SDK1: variants seen among roughly 807,000 people sequenced by gnomAD.
SDK1 encodes protein sidekick-1.
SDK1 carries 157 observed loss-of-function variants against 245.5 expected under a neutral mutation model. That is an observed-to-expected ratio of 0.64 (90% CI 0.56 to 0.73). The LOEUF (loss-of-function observed/expected upper bound fraction) is 0.73, where lower values mean the gene tolerates loss of function less well. Among genes scored for constraint, SDK1 ranks in the 30% least tolerant of loss-of-function variants. The pLI is 0.00. For synonymous variants in SDK1, 1,647 were observed against 1,278.5 expected (o/e 1.29, Z -6.15); for missense variants, 3,583 against 3,002.3 (o/e 1.19, Z -4.52).
chr7:3,420,495 T>A (rs1042369239), intron 1 of SDK1, among the ~76,000 whole-genome samples: 1 of 152,218 alleles, frequency 6.6e-6, no homozygotes, highest in Non-Finnish European at 1.5e-5. Flanking sequence ...AATGAACTCC[T>A]CCTGCCCATT....
chr7:4,186,283 G>A (rs1222656845), intron 35 of SDK1, among the ~76,000 whole-genome samples: 2 of 152,132 alleles, frequency 1.3e-5, no homozygotes, highest in Admixed American at 1.3e-4. Context: ...GACAAGCATG[G>A]CCGCCAGCCC....
rs73043757 is a variant in SDK1 at position 3,675,902 on chromosome 7, A to G, written c.713+33797A>G. Among the ~76,000 whole-genome samples, 361 of 152,248 alleles carry G rather than the reference A, an allele frequency of 2.4e-3. 2 individuals carry two copies. The highest frequency in any genetic ancestry group is 0.017 in the South Asian group (82 of 4,820). On this transcript the variant is annotated intron_variant, in intron 4 of 44. Coordinates refer to ENST00000404826, the MANE Select transcript of SDK1 (RefSeq NM_152744.4). ...TTGTTTTTTGCTTGCTGATTTATCT[A>G]ACTTCCTTTTATACGTTCCTTATAT... is the stretch of plus-strand genomic sequence containing the variant.
intron 1 of SDK1, among the ~76,000 whole-genome samples, chr7:3,546,662 CGTCTCCCAA>C (rs1779235375): frequency 6.6e-6 from 1 of 152,182 alleles, no homozygotes; most frequent in Non-Finnish European, 1.5e-5. Context: ...CCAGGGGGGA[CGTCTCCCAA>C]ACTGTACTGC....
At chr7:3,724,155 G>A (rs1259069612) in intron 4 of SDK1, among the ~76,000 whole-genome samples, 1 of 151,988 alleles carries the variant, frequency 6.6e-6, no homozygotes, top group Non-Finnish European at 1.5e-5. Flanking sequence ...AGTAGAGACA[G>A]GGTTTCATCA....
chr7:3,625,484 C>G (rs891699738), intron 2 of SDK1, among the ~76,000 whole-genome samples: 13 of 152,108 alleles, frequency 8.5e-5, no homozygotes, highest in Admixed American at 2.6e-4. Flanking sequence ...TGAATGTCAT[C>G]CCAGGAAGCA....
Position 4,075,305 on chromosome 7 carries a change from C to T in SDK1, c.3011-1693C>T, listed in dbSNP as rs573536397. On this transcript the variant is annotated intron_variant, in intron 20 of 44. Coordinates refer to ENST00000404826, the MANE Select transcript of SDK1 (RefSeq NM_152744.4). ...GCCAGGCTGTACGGGGCCTGTGGCA[C>T]GGCCAGGGGGAGCAGTTTACGACAT... Among the ~76,000 whole-genome samples the T allele has an allele frequency of 2.5e-4, 38 of 152,260 alleles. No individual in the cohort carries two copies. The East Asian group carries it at 6.0e-3, about 24-fold the overall frequency.
intron 18 of SDK1, among the ~76,000 whole-genome samples, chr7:4,050,598 A>G (rs1158112130): frequency 1.3e-5 from 2 of 152,198 alleles, no homozygotes. Context: ...AATGCTGCCA[A>G]AACATGAACA....
intron 29 of SDK1, among the ~76,000 whole-genome samples, chr7:4,146,972 C>T (rs1474849556): frequency 2.0e-5 from 3 of 152,218 alleles, no homozygotes; most frequent in Non-Finnish European, 4.4e-5. Flanking sequence ...CTATAGTGGG[C>T]GCCCTTCTCA....
At chr7:3,967,806 C>T (rs1258667920) in intron 10 of SDK1, among the ~76,000 whole-genome samples, 1 of 152,210 alleles carries the variant, frequency 6.6e-6, no homozygotes, top group African/African-American at 2.4e-5. Flanking sequence ...GGCAGTCATG[C>T]ACGGTGGCCA....
intron 17 of SDK1, among the ~76,000 whole-genome samples, chr7:4,035,688 T>A (rs914742344): frequency 6.6e-6 from 1 of 152,192 alleles, no homozygotes; most frequent in South Asian, 2.1e-4. Context: ...GGCACTGAGC[T>A]TCCTAGTAAC....
At chr7:4,248,378 C>T (rs1322500711) in intron 44 of SDK1, among the ~76,000 whole-genome samples, 1 of 139,194 alleles carries the variant, frequency 7.2e-6, no homozygotes, top group Admixed American at 7.1e-5. Context: ...ACAACATACA[C>T]CTAAATACAC....
Position 3,974,426 on chromosome 7 carries a change from G to A in SDK1, c.1875G>A (p.Val625=), listed in dbSNP as rs965810946. The A allele has an allele frequency of 6.2e-7, 1 of 1,614,158 alleles. No individual in the cohort carries two copies. Among genetic ancestry groups the A allele is most frequent in the East Asian group, 2.2e-5 (1 of 44,880 alleles). Residue 625 remains valine (V), a synonymous_variant, in exon 13 of 45, where the codon GTG becomes GTA. Coordinates refer to ENST00000404826, the MANE Select transcript of SDK1 (RefSeq NM_152744.4). ...ALTPSSTSRI[V]VEKDGSLLIS... ...CTCCATCGAGCACGTCTAGGATCGT[G>A]GTGGAGAAGGACGGGTCCCTTCTCA... is the stretch of plus-strand genomic sequence containing the variant.
intron 2 of SDK1, among the ~76,000 whole-genome samples, chr7:3,620,700 C>T (rs1781910391): frequency 6.6e-6 from 1 of 152,110 alleles, no homozygotes; most frequent in Non-Finnish European, 1.5e-5. Flanking sequence ...GCCTGGTCTG[C>T]AGCCCCAATC....
chr7:4,058,044 G>T (rs6462570), intron 19 of SDK1, among the ~76,000 whole-genome samples: 33,178 of 151,708 alleles, frequency 0.22, 4,993 homozygotes, highest in African/African-American at 0.44. Context: ...TAATTCTCTA[G>T]CAACAGATTC....
intron 1 of SDK1, among the ~76,000 whole-genome samples, chr7:3,389,754 T>C (rs200184774): frequency 2.0e-5 from 3 of 151,378 alleles, no homozygotes; most frequent in Non-Finnish European, 3.0e-5. Flanking sequence ...GCAACAGAAA[T>C]AAACAAAAAC....
chr7:4,143,518 G>C (rs1222406216), intron 28 of SDK1, among the ~76,000 whole-genome samples: 1 of 152,154 alleles, frequency 6.6e-6, no homozygotes, highest in African/African-American at 2.4e-5. Flanking sequence ...ACTGAGGCTG[G>C]GAGAGGCTGC....
chr7:3,892,661 C>T (rs181413886), intron 5 of SDK1, among the ~76,000 whole-genome samples: 159 of 152,286 alleles, frequency 1.0e-3, no homozygotes, highest in African/African-American at 3.7e-3. Context: ...TCAAGAACAG[C>T]CATATTGCAT....
At chr7:4,209,174 C>G (rs1178725938) in intron 37 of SDK1, among the ~76,000 whole-genome samples, 2 of 152,170 alleles carry the variant, frequency 1.3e-5, no homozygotes, top group Non-Finnish European at 2.9e-5. Flanking sequence ...CGCATCTGAG[C>G]TGGAAGGATG....
chr7:4,100,864 TGG>T (rs1782491790), intron 22 of SDK1, among the ~76,000 whole-genome samples: 1 of 152,126 alleles, frequency 6.6e-6, no homozygotes, highest in Non-Finnish European at 1.5e-5. Flanking sequence ...ATGGATGAGC[TGG>T]GGGCCTGTGG....
Sources: gnomAD v4.1 joint callset for allele counts (sites outside exome capture counted in the v4.1 genomes callset) on GRCh38, gnomAD v4.1.1 for gene constraint, MANE v1.5 for transcripts, NCBI Gene and HGNC (gene_info 2026-07-23, HGNC 2026-07-21) for gene names.